MEIKIN: variants seen among roughly 807,000 people sequenced by gnomAD.
MEIKIN encodes the protein meiotic kinetochore factor.
At chr5:131,858,362 T>G (rs1314697057) in intron 9 of MEIKIN, among the ~76,000 whole-genome samples, 2 of 152,218 alleles carry the variant, frequency 1.3e-5, no homozygotes, top group Non-Finnish European at 2.9e-5. Flanking sequence ...CAAGAAATGG[T>G]GCTGGGATAA....
chr5:131,879,004 A>G lies in MEIKIN; in HGVS notation c.748T>C (p.Ser250Pro). Residue 250 changes from serine to proline, a missense_variant, in exon 9 of 13, where the codon TCA (serine) becomes CCA (proline). Ser to Pro is a moderately conservative substitution (Grantham distance 74, BLOSUM62 -1). Transcript: ENST00000442687. ...EILLAEKTCP[S>P]TPEKTKKKKT... is the part of the protein sequence containing the mutation. ...TTTTTCTTTGTTTTTTCAGGGGTTG[A>G]AGGGCAAGTTTTCTCAGCAAGTAAA... The G allele has an allele frequency of 2.5e-6, 1 of 398,592 alleles. No homozygotes were observed. Among genetic ancestry groups the G allele is most frequent in the Admixed American group, 4.4e-5 (1 of 22,728 alleles). The allele number at this position is 398,592 out of a possible 1,614,324, so 24.7% of individuals were successfully genotyped here.
intron 1 of MEIKIN, 48 bp downstream of exon 1, chr5:131,945,352 C>T (rs1337633235): frequency 3.3e-5 from 13 of 398,924 alleles, no homozygotes; most frequent in African/African-American, 8.2e-5. Context: ...GGTCCCGTCC[C>T]GGAGGCAGCT....
intron 4 of MEIKIN, among the ~76,000 whole-genome samples, chr5:131,934,472 T>C (rs536419014): frequency 6.6e-6 from 1 of 152,256 alleles, no homozygotes; most frequent in East Asian, 1.9e-4. Context: ...GGAGAAAGGA[T>C]AGTCTTTTAA....
At chr5:131,844,728 C>T (rs1163090455) in intron 11 of MEIKIN, among the ~76,000 whole-genome samples, 1 of 152,038 alleles carries the variant, frequency 6.6e-6, no homozygotes, top group Non-Finnish European at 1.5e-5. Context: ...GGGAACAGTA[C>T]CTGAAGATTT....
intron 8 of MEIKIN, among the ~76,000 whole-genome samples, chr5:131,904,756 G>A (rs1171902271): frequency 6.6e-6 from 1 of 152,158 alleles, no homozygotes; most frequent in Non-Finnish European, 1.5e-5. Flanking sequence ...GCCCATCAAT[G>A]ATAGGCTGGA....
intron 7 of MEIKIN, among the ~76,000 whole-genome samples, chr5:131,916,531 T>C (rs985732334): frequency 3.9e-5 from 6 of 152,236 alleles, no homozygotes; most frequent in African/African-American, 1.4e-4. Flanking sequence ...TGTGTTTTCA[T>C]TTGTGTTCCC....
chr5:131,868,002 C>T (rs1380042650), intron 9 of MEIKIN, among the ~76,000 whole-genome samples: 3 of 152,178 alleles, frequency 2.0e-5, no homozygotes, highest in Non-Finnish European at 2.9e-5. Context: ...AATGAGATTT[C>T]CTATTGCTTC....
At chr5:131,944,227 A>G (rs1014867335) in intron 3 of MEIKIN, among the ~76,000 whole-genome samples, 3 of 152,240 alleles carry the variant, frequency 2.0e-5, no homozygotes, top group African/African-American at 7.2e-5. Flanking sequence ...TTTAAAATAT[A>G]GTACAGAATT....
At chr5:131,847,166 A>G (rs1191451785) in intron 11 of MEIKIN, among the ~76,000 whole-genome samples, 1 of 152,206 alleles carries the variant, frequency 6.6e-6, no homozygotes, top group Non-Finnish European at 1.5e-5. Flanking sequence ...AAAGGCATAT[A>G]GAGAACAATG....
At position 131,883,675 on chromosome 5, in the gene MEIKIN, C is replaced by T. The variant is rs912356677; in HGVS notation, c.704-4627G>A. On this transcript the variant is annotated intron_variant, in intron 8 of 12. Transcript: ENST00000442687. ...CACCAATTTAACAACTATCTACATACAAAAAGCACCTTCATAAGAACCAAA... is the reference window on the plus strand; with the variant it reads ...CACCAATTTAACAACTATCTACATATAAAAAGCACCTTCATAAGAACCAAA... Among the ~76,000 whole-genome samples the T allele has an allele frequency of 3.3e-5, 5 of 152,172 alleles. No individual in the cohort carries two copies. In the East Asian group the frequency reaches 9.6e-4, roughly 29 times the overall value.
rs556707031 is a variant in MEIKIN at position 131,881,846 on chromosome 5, A to G, written c.704-2798T>C. On this transcript the variant is annotated intron_variant, in intron 8 of 12. Transcript: ENST00000442687. The stretch of plus-strand genomic sequence containing the variant: ...ACTGTTTCGACATGTCACCCAGAAG[A>G]GTCTTGCCTGTTCTTGAACTTTATA... Among the ~76,000 whole-genome samples, 6 of 152,234 alleles carry G rather than the reference A, an allele frequency of 3.9e-5. No homozygotes were observed. In the South Asian group the frequency reaches 1.2e-3, roughly 32 times the overall value.
In MEIKIN at chr5:131,866,581, G is replaced by C. The variant is rs184861122; in HGVS notation, c.775-11747C>G. Among the ~76,000 whole-genome samples, 10 of 152,320 alleles carry C rather than the reference G, an allele frequency of 6.6e-5. No individual in the cohort carries two copies. In the East Asian group the frequency reaches 1.9e-3, roughly 29 times the overall value. On this transcript the variant is annotated intron_variant, in intron 9 of 12. Coordinates refer to ENST00000442687, the MANE Select transcript of MEIKIN (RefSeq NM_001303622.2). ...AGGGACTGGCTTCATCTGAGCCTTG[G>C]CCTAGAGCAGGCAGTGGAATTTGTC...
intron 11 of MEIKIN, among the ~76,000 whole-genome samples, chr5:131,823,414 TAGCC>T (rs976104297): frequency 1.3e-5 from 2 of 152,036 alleles, no homozygotes; most frequent in African/African-American, 4.8e-5. Context: ...TCTTTTCAAA[TAGCC>T]AGTCTTAAGC....
At position 131,941,955 on chromosome 5, in the gene MEIKIN, A is replaced by G. The variant is rs115594739; in HGVS notation, c.349+680T>C. On this transcript the variant is annotated intron_variant, in intron 4 of 12. Transcript: ENST00000442687. Reference sequence around the variant, plus strand: ...CATCAGCACCCTTTTTTCCATCTCCAATGTCACCACCCTAGTAGAAGGCGC... The same window carrying G: ...CATCAGCACCCTTTTTTCCATCTCCGATGTCACCACCCTAGTAGAAGGCGC... Among the ~76,000 whole-genome samples, 713 of 152,116 alleles carry G rather than the reference A, an allele frequency of 4.7e-3. 8 individuals are homozygous for G. The highest frequency in any genetic ancestry group is 0.016 in the African/African-American group (677 of 41,508).
intron 11 of MEIKIN, among the ~76,000 whole-genome samples, chr5:131,836,201 C>A (rs181788091): frequency 7.4e-4 from 113 of 152,258 alleles, no homozygotes; most frequent in Middle Eastern, 3.4e-3. Flanking sequence ...CCAGCTCCAT[C>A]CATGTTCCTG....
intron 9 of MEIKIN, among the ~76,000 whole-genome samples, chr5:131,871,456 G>A (rs1011746334): frequency 2.1e-4 from 32 of 152,068 alleles, no homozygotes; most frequent in African/African-American, 5.8e-4. Flanking sequence ...GGGGAGGGGC[G>A]CCCGCCATTC....
intron 8 of MEIKIN, among the ~76,000 whole-genome samples, chr5:131,906,537 C>T (rs1358945818): frequency 1.3e-5 from 2 of 148,318 alleles, no homozygotes; most frequent in African/African-American, 2.4e-5. Context: ...AGGAATATAA[C>T]TTATTCTACC....
At chr5:131,809,575 G>T (rs1465705891) in intron 12 of MEIKIN, among the ~76,000 whole-genome samples, 1 of 152,226 alleles carries the variant, frequency 6.6e-6, no homozygotes, top group Admixed American at 6.5e-5. Flanking sequence ...TTGGGAGGCT[G>T]AGGCAGGTGG....
chr5:131,889,590 A>T (rs1750869657), intron 8 of MEIKIN, among the ~76,000 whole-genome samples: 1 of 152,220 alleles, frequency 6.6e-6, no homozygotes, highest in African/African-American at 2.4e-5. Flanking sequence ...GAAGTTGCCT[A>T]TCAGCTTAAG....
Sources: allele counts gnomAD v4.1 joint callset (sites outside exome capture counted in the v4.1 genomes callset), GRCh38; gene constraint gnomAD v4.1.1; transcripts MANE v1.5; gene names NCBI Gene and HGNC (gene_info 2026-07-23, HGNC 2026-07-21).